The following TET3 variants were observed in gnomAD, a reference collection of about 807,000 sequenced individuals.
TET3 encodes tet methylcytosine dioxygenase 3.
Under a neutral mutation model 141.4 loss-of-function variants are expected in TET3, and 19 were observed. That is an observed-to-expected ratio of 0.13 (90% confidence interval 0.09 to 0.20). The LOEUF is 0.20. Among genes scored for constraint, TET3 ranks in the 10% least tolerant of loss-of-function variants. TET3 has a pLI of 1.00. For missense variants in TET3, 1,874 were observed against 2,356.9 expected (o/e 0.80, Z 4.24); for synonymous variants, 1,043 against 980.9 (o/e 1.06, Z -1.18).
At chr2:74,133,709 T>C in the TET3 span, among the ~76,000 whole-genome samples, 1 of 152,214 alleles carries the variant, frequency 6.6e-6, no homozygotes, top group Non-Finnish European at 1.5e-5. Context: ...CATGATGTAT[T>C]CTCTGAAACT....
chr2:74,021,002 T>C (rs1426547289), intron 3 of TET3, among the ~76,000 whole-genome samples: 5 of 152,192 alleles, frequency 3.3e-5, no homozygotes, highest in East Asian at 1.9e-4. Context: ...CTTCTCTGGC[T>C]CCTCTGCTGG....
rs1333617255 is a variant in TET3, at chr2:74,047,170, C to A, written c.1253C>A (p.Ala418Asp). 2.5e-6 allele frequency: 4 copies of A among 1,613,990 alleles called. No individual in the cohort carries two copies. Among genetic ancestry groups the A allele is most frequent in the Admixed American group, 1.7e-5 (1 of 60,024 alleles). Reference protein sequence around the residue: ...VVPPEEHSSFAPDSSAFPPAT... With the variant: ...VVPPEEHSSFDPDSSAFPPAT... ...CCTCCTGAAGAGCACTCATCTTTTGCTCCTGATAGCTCTGCCTTCCCTCCA... is the reference window on the plus strand; with the variant it reads ...CCTCCTGAAGAGCACTCATCTTTTGATCCTGATAGCTCTGCCTTCCCTCCA... Residue 418 changes from alanine (A) to aspartate (D), a missense_variant, in exon 4 of 12, where the codon GCT (alanine) becomes GAT (aspartate). Transcript: ENST00000409262.
intron 7 of TET3, among the ~76,000 whole-genome samples, chr2:74,088,701 A>G (rs1312986912): frequency 2.0e-5 from 3 of 152,154 alleles, no homozygotes; most frequent in East Asian, 1.9e-4. Context: ...AAATGAAGGT[A>G]TATTTATTTA....
At chr2:74,129,891 C>T in the TET3 span, among the ~76,000 whole-genome samples, 29 of 151,030 alleles carry the variant, frequency 1.9e-4, no homozygotes, top group Non-Finnish European at 3.0e-4. Context: ...GTCAGGAGTT[C>T]GAGACCAGCC....
intron 3 of TET3, 127 bp downstream of exon 3, chr2:74,003,293 A>T (rs1684961832): frequency 7.3e-6 from 9 of 1,225,420 alleles, no homozygotes; most frequent in Non-Finnish European, 1.0e-5. Flanking sequence ...GTGTAGCAGC[A>T]GCTGAGGGGG....
chr2:74,021,356 C>T (rs1407311777), intron 3 of TET3, among the ~76,000 whole-genome samples: 3 of 152,240 alleles, frequency 2.0e-5, no homozygotes, highest in Admixed American at 6.5e-5. Flanking sequence ...AGTGAGGCCA[C>T]GATGCAGGGC....
At chr2:74,088,703 A>T (rs774303687) in intron 7 of TET3, among the ~76,000 whole-genome samples, 5 of 152,136 alleles carry the variant, frequency 3.3e-5, no homozygotes, top group African/African-American at 2.4e-5. Flanking sequence ...ATGAAGGTAT[A>T]TTTATTTACA....
chr2:74,002,556 G>A (rs936935408), intron 2 of TET3, among the ~76,000 whole-genome samples: 3 of 152,114 alleles, frequency 2.0e-5, no homozygotes, highest in Non-Finnish European at 4.4e-5. Flanking sequence ...CAGCCAGCGC[G>A]GCTCAGCAGC....
At chr2:74,067,130 TCTC>T (rs1288614270) in intron 4 of TET3, among the ~76,000 whole-genome samples, 3 of 152,018 alleles carry the variant, frequency 2.0e-5, no homozygotes, top group Admixed American at 1.3e-4. Context: ...CCCTTGGCCT[TCTC>T]CTCTCCCCAC....
rs181905680 is a variant in TET3, at chr2:74,056,170, G to A, written c.2494+7759G>A. Among the ~76,000 whole-genome samples the A allele has an allele frequency of 6.6e-5, 10 of 152,328 alleles. No individual in the cohort carries two copies. In the East Asian group the frequency reaches 1.9e-3, roughly 29 times the overall value. Reference sequence around the variant, plus strand: ...GTCATAAAAAAGAAATGCCTCAGCTGTGCTCCTGTGTACATTCCTGGCCAT... The same window carrying A: ...GTCATAAAAAAGAAATGCCTCAGCTATGCTCCTGTGTACATTCCTGGCCAT... On this transcript the variant is annotated intron_variant, in intron 4 of 11. Transcript: ENST00000409262.
chr2:74,084,515 C>A (rs570680281), intron 6 of TET3, among the ~76,000 whole-genome samples: 1 of 151,530 alleles, frequency 6.6e-6, no homozygotes, highest in Non-Finnish European at 1.5e-5. Context: ...TGCAGTGGCA[C>A]GATCTTGGCT....
chr2:74,047,664 C>G lies in TET3; in HGVS notation c.1747C>G (p.Pro583Ala). The G allele has an allele frequency of 6.2e-7, 1 of 1,613,366 alleles. No individual in the cohort carries two copies. Among genetic ancestry groups the G allele is most frequent in the Non-Finnish European group, 8.5e-7 (1 of 1,179,648 alleles). ...ACCCAAGGAGAAGAAGAAGAAGCTC[C>G]CAACACCAGCTGGAGGTCCCGTGGG... ...RPPKEKKKKLPTPAGGPVGTE... is the reference protein window; with the variant it reads ...RPPKEKKKKLATPAGGPVGTE... Residue 583 changes from proline (P) to alanine (A), a missense_variant, in exon 4 of 12, where the codon CCA becomes GCA. By Grantham distance (27) the Pro-to-Ala change is conservative. Around this residue, in one of 10 missense-constraint regions of TET3, gnomAD observed 484 missense variants for 462.2 expected, o/e 1.05. Transcript: ENST00000409262.
chr2:74,015,724 G>A (rs569341837), intron 3 of TET3, among the ~76,000 whole-genome samples: 39 of 152,106 alleles, frequency 2.6e-4, no homozygotes, highest in African/African-American at 8.9e-4. Flanking sequence ...TTAAGTGTTT[G>A]TATAGAACAA....
At chr2:74,133,610 A>G in the TET3 span, among the ~76,000 whole-genome samples, 1 of 152,244 alleles carries the variant, frequency 6.6e-6, no homozygotes, top group African/African-American at 2.4e-5. Flanking sequence ...ACCTCTCTGT[A>G]GGCTGCTTGT....
At chr2:74,008,592 A>G (rs1278535943) in intron 3 of TET3, among the ~76,000 whole-genome samples, 2 of 152,206 alleles carry the variant, frequency 1.3e-5, no homozygotes, top group East Asian at 1.9e-4. Flanking sequence ...CCTGATTTCT[A>G]TAAACAAAGA....
intron 2 of TET3, among the ~76,000 whole-genome samples, chr2:73,987,072 A>C (rs955067300): frequency 8.5e-5 from 13 of 152,314 alleles, no homozygotes; most frequent in African/African-American, 2.9e-4. Flanking sequence ...GTGTAAGATA[A>C]GAGATGGAGG....
At position 74,046,257 on chromosome 2, in the gene TET3, C is replaced by CT. The variant is rs1687612696; in HGVS notation, c.361-21_361-20insT. ...AGTGTGGTTCATTTTTTTCCTTTTT[C>CT]CCCCTTCTCTCTCTCTTTAGACAGG... On this transcript the variant is annotated intron_variant, in intron 3 of 11. Coordinates refer to ENST00000409262, the MANE Select transcript of TET3 (RefSeq NM_001287491.2). The surrounding 1 kb of genome is among the most constrained non-coding windows in gnomAD (Gnocchi z 4.3). The CT allele has an allele frequency of 3.6e-6, 5 of 1,400,044 alleles. No homozygotes were observed. The highest frequency in any genetic ancestry group is 4.6e-6 in the Non-Finnish European group (5 of 1,079,814). The allele number at this position is 1,400,044 out of a possible 1,614,324, so 86.7% of individuals were successfully genotyped here. A position where few individuals can be genotyped will look rare whatever the true frequency, so the allele number is the denominator to read the frequency against.
intron 4 of TET3, among the ~76,000 whole-genome samples, chr2:74,055,453 A>G (rs1482508961): frequency 6.6e-6 from 1 of 152,202 alleles, no homozygotes; most frequent in Non-Finnish European, 1.5e-5. Flanking sequence ...AAATTCATCC[A>G]GCACACCTGA....
chr2:73,997,834 G>C (rs72905229), intron 2 of TET3, among the ~76,000 whole-genome samples: 2,781 of 152,252 alleles, frequency 0.018, 88 homozygotes, highest in African/African-American at 0.063. Flanking sequence ...GTCTGGGGAG[G>C]GAGACAAGCA....
Sources: gnomAD v4.1 joint callset for allele counts (sites outside exome capture counted in the v4.1 genomes callset) on GRCh38, gnomAD v4.1.1 for gene constraint, gnomAD v4.1.1 regional missense constraint, Gnocchi (gnomAD v3.1) non-coding constraint, MANE v1.5 for transcripts, NCBI Gene and HGNC (gene_info 2026-07-23, HGNC 2026-07-21) for gene names.